The following COL19A1 variants were observed in gnomAD, a reference collection of about 807,000 sequenced individuals.
The protein encoded by COL19A1 is collagen alpha-1(XIX) chain.
Under a neutral mutation model 190.2 loss-of-function variants are expected in COL19A1, and 159 were observed. The ratio of observed to expected loss-of-function variants is 0.84; its 90% CI spans 0.73 to 0.95. The LOEUF is 0.95. Ranked by LOEUF, COL19A1 falls within the 40% of genes least tolerant of loss-of-function variation. COL19A1 has a pLI of 0.00. For missense variants in COL19A1, 1,418 were observed against 1,431.9 expected (o/e 0.99, Z 0.16); for synonymous variants, 509 against 458.9 (o/e 1.11, Z -1.39).
At chr6:70,045,150 T>C (rs1360372576) in intron 14 of COL19A1, among the ~76,000 whole-genome samples, 2 of 151,684 alleles carry the variant, frequency 1.3e-5, no homozygotes, top group Admixed American at 6.6e-5. Context: ...CCATCTCAAC[T>C]AAAAATAGAA....
chr6:69,911,745 C>T (rs1296157549), intron 4 of COL19A1, among the ~76,000 whole-genome samples: 7 of 152,184 alleles, frequency 4.6e-5, no homozygotes, highest in Admixed American at 1.3e-4. Flanking sequence ...TAATCCTCTC[C>T]TAGCCAGCCT....
chr6:69,989,147 C>T (rs576871282), intron 11 of COL19A1, among the ~76,000 whole-genome samples: 47 of 152,130 alleles, frequency 3.1e-4, no homozygotes, highest in Admixed American at 7.9e-4. Context: ...AAATTACATA[C>T]CGCTAAGTTT....
chr6:70,049,890 G>A (rs1780109077), intron 14 of COL19A1, among the ~76,000 whole-genome samples: 2 of 151,974 alleles, frequency 1.3e-5, no homozygotes, highest in South Asian at 2.1e-4. Context: ...TCTATTCTAA[G>A]CATTTAAAAA....
At chr6:69,868,796 G>A (rs551774645) in intron 1 of COL19A1, among the ~76,000 whole-genome samples, 2 of 152,100 alleles carry the variant, frequency 1.3e-5, no homozygotes, top group African/African-American at 4.8e-5. Context: ...CTACTTTCTG[G>A]TCCTCCAGTT....
At chr6:70,108,092 G>A (rs191326765) in intron 16 of COL19A1, among the ~76,000 whole-genome samples, 1 of 152,160 alleles carries the variant, frequency 6.6e-6, no homozygotes, top group Non-Finnish European at 1.5e-5. Context: ...GAGGAAAGCA[G>A]CTGGAAATGA....
intron 16 of COL19A1, among the ~76,000 whole-genome samples, chr6:70,116,369 T>C (rs1026765751): frequency 6.6e-6 from 1 of 152,140 alleles, no homozygotes; most frequent in African/African-American, 2.4e-5. Context: ...TCAACAAACA[T>C]TGGGTGCTGG....
intron 36 of COL19A1, 128 bp downstream of exon 36, chr6:70,163,524 A>G: frequency 1.3e-6 from 1 of 786,248 alleles, no homozygotes; most frequent in South Asian, 1.9e-5. Flanking sequence ...GAAAGTACCT[A>G]TTCTTGTAGT....
chr6:69,970,303 G>A (rs951159360), intron 11 of COL19A1, among the ~76,000 whole-genome samples: 3 of 152,098 alleles, frequency 2.0e-5, no homozygotes, highest in African/African-American at 7.2e-5. Flanking sequence ...GGGACTTGCA[G>A]ACTGTGTCAA....
rs1409688314 is a variant in COL19A1 at position 70,188,134 on chromosome 6, T to C, written c.2916T>C (p.Leu972=). ...GSQGERGKPG[L]TGMKGAIGPM... Reference sequence around the variant, plus strand: ...AAGGTGAACGGGGAAAACCAGGCCTTACAGGCATGAAGGGGGCCATCGGTC... The same window carrying C: ...AAGGTGAACGGGGAAAACCAGGCCTCACAGGCATGAAGGGGGCCATCGGTC... The change falls in exon 47 of 51, where the codon CTT becomes CTC. Residue 972 remains leucine, a synonymous_variant. Transcript: ENST00000620364. 2 of 1,613,704 alleles carry C rather than the reference T, an allele frequency of 1.2e-6. No individual in the cohort carries two copies. The highest frequency in any genetic ancestry group is 1.7e-6 in the Non-Finnish European group (2 of 1,179,876).
At chr6:70,064,738 A>C (rs1434157078) in intron 14 of COL19A1, among the ~76,000 whole-genome samples, 1 of 152,210 alleles carries the variant, frequency 6.6e-6, no homozygotes, top group Non-Finnish European at 1.5e-5. Context: ...AAATCTCCTT[A>C]AGTTGATAAG....
chr6:70,192,636 GA>G (rs1670004044), intron 48 of COL19A1, among the ~76,000 whole-genome samples: 2 of 152,094 alleles, frequency 1.3e-5, no homozygotes, highest in African/African-American at 4.8e-5. Context: ...CTCTTCAGGG[GA>G]ATACTGAAGA....
In COL19A1 at chr6:69,910,416, A is replaced by G. The variant is rs187835084; in HGVS notation, c.266+10078A>G. 1.4e-3 allele frequency among the ~76,000 whole-genome samples: 207 copies of G among 152,304 alleles called. 9 individuals carry two copies. The highest frequency in any genetic ancestry group is 0.013 in the Admixed American group (205 of 15,296). Reference sequence around the variant, plus strand: ...ACCTAAAATTTCAAAAATAATAAACAGTTGTGTCTAGAACTCAGTTCTTCT... The same window carrying G: ...ACCTAAAATTTCAAAAATAATAAACGGTTGTGTCTAGAACTCAGTTCTTCT... On this transcript the variant is annotated intron_variant, in intron 4 of 50. Coordinates refer to ENST00000620364, the MANE Select transcript of COL19A1 (RefSeq NM_001858.6).
intron 4 of COL19A1, among the ~76,000 whole-genome samples, chr6:69,921,168 T>C (rs1771735735): frequency 7.7e-6 from 1 of 129,462 alleles, no homozygotes; most frequent in South Asian, 2.3e-4. Flanking sequence ...TATATATTCA[T>C]ATACGTATCA....
intron 34 of COL19A1, among the ~76,000 whole-genome samples, chr6:70,160,772 G>A (rs1029617145): frequency 5.9e-5 from 9 of 152,044 alleles, no homozygotes; most frequent in South Asian, 2.1e-4. Context: ...TCTATTTGTC[G>A]TGATAAAATA....
At chr6:70,184,348 G>A (rs1441305931) in intron 44 of COL19A1, among the ~76,000 whole-genome samples, 1 of 152,152 alleles carries the variant, frequency 6.6e-6, no homozygotes, top group African/African-American at 2.4e-5. Flanking sequence ...CCTAATAGAA[G>A]AATAAGAAAG....
At chr6:70,171,557 A>T (rs1371684614) in intron 40 of COL19A1, among the ~76,000 whole-genome samples, 1 of 152,198 alleles carries the variant, frequency 6.6e-6, no homozygotes, top group Non-Finnish European at 1.5e-5. Context: ...TGAGTGCTCC[A>T]TCTTCATCTA....
chr6:70,065,573 A>G (rs1232191670), intron 14 of COL19A1, among the ~76,000 whole-genome samples: 1 of 152,206 alleles, frequency 6.6e-6, no homozygotes, highest in African/African-American at 2.4e-5. Flanking sequence ...CTAAAACACC[A>G]AAAGCAATGG....
chr6:69,905,530 A>G (rs1451777959), intron 4 of COL19A1, among the ~76,000 whole-genome samples: 1 of 152,206 alleles, frequency 6.6e-6, no homozygotes, highest in Non-Finnish European at 1.5e-5. Context: ...CTCTGGGCGC[A>G]AGTGCACTTG....
In COL19A1 at chr6:70,039,230, G is replaced by A. The variant is rs117464682; in HGVS notation, c.1170+3291G>A. ...TTTCCCAAGCAGTTCTAATGTGCAG[G>A]CACGCTCGAGAACTAAGGCTCTGAA... is the stretch of plus-strand genomic sequence containing the variant. On this transcript the variant is annotated intron_variant, in intron 14 of 50. Transcript: ENST00000620364. Among the ~76,000 whole-genome samples, 1,185 of 152,234 alleles carry A rather than the reference G, an allele frequency of 7.8e-3. 13 individuals are homozygous for A. Among genetic ancestry groups the A allele is most frequent in the Middle Eastern group, 0.024 (7 of 294 alleles).
Sources: allele counts gnomAD v4.1 joint callset (sites outside exome capture counted in the v4.1 genomes callset), GRCh38; gene constraint gnomAD v4.1.1; transcripts MANE v1.5; gene names NCBI Gene and HGNC (gene_info 2026-07-23, HGNC 2026-07-21).